The following TFB1M variants were observed in gnomAD, a reference collection of about 807,000 sequenced individuals.
TFB1M encodes the protein transcription factor B1, mitochondrial, also known as dimethyladenosine transferase 1, mitochondrial.
In TFB1M, 27 loss-of-function variants were observed where a neutral mutation model predicts 31.1. That is an observed-to-expected ratio of 0.87 (90% confidence interval 0.64 to 1.20). The LOEUF is 1.20. TFB1M is among the 50% of genes most tolerant of loss of function. TFB1M has a pLI of 0.00. For missense variants in TFB1M, 394 were observed against 418.7 expected, an observed-to-expected ratio of 0.94 and a Z score of 0.51; for synonymous variants, 166 against 151.8, an observed-to-expected ratio of 1.09 and a Z score of -0.69.
chr6:155,286,525 GTATATATATA>G (rs1417251621), intron 4 of TFB1M, among the ~76,000 whole-genome samples: 1 of 139,364 alleles, frequency 7.2e-6, no homozygotes. Flanking sequence ...GTATATATAT[GTATATATATA>G]CATGTGTATA....
At chr6:155,298,193 T>C (rs1202485604) in intron 3 of TFB1M, among the ~76,000 whole-genome samples, 4 of 152,216 alleles carry the variant, frequency 2.6e-5, no homozygotes, top group African/African-American at 9.6e-5. Flanking sequence ...CAATTGATAG[T>C]TTACCCTATC....
In TFB1M at chr6:155,257,839, G is replaced by C. The variant is rs1391745461; in HGVS notation, c.1038C>G (p.Leu346=). ...GCTGCTCGCCCCCAGGCAGCAGCTA[G>C]AGTCTGTAATTCTCTGCGTCATCCT... is the stretch of plus-strand genomic sequence containing the variant. The part of the protein sequence containing the change: ...KEEDDAENYR[L] Residue 346 remains leucine, a synonymous_variant, in exon 7 of 7, where the codon CTC becomes CTG. Transcript: ENST00000367166. The C allele has an allele frequency of 1.9e-6, 3 of 1,614,016 alleles. No homozygotes were observed. Among genetic ancestry groups the C allele is most frequent in the Admixed American group, 3.3e-5 (2 of 60,010 alleles).
At chr6:155,276,512 T>C (rs1785230686) in intron 5 of TFB1M, 6 of 744,688 alleles carry the variant, frequency 8.1e-6, no homozygotes, top group South Asian at 3.9e-5. Flanking sequence ...AACTACAAAG[T>C]AGTTTAAAAT....
chr6:155,311,581 G>A (rs560552466), intron 1 of TFB1M, among the ~76,000 whole-genome samples: 8 of 152,250 alleles, frequency 5.3e-5, no homozygotes, highest in Admixed American at 5.2e-4. Context: ...TCATGACAAA[G>A]TTTCTTAGCT....
intron 5 of TFB1M, among the ~76,000 whole-genome samples, chr6:155,280,640 G>T (rs965555440): frequency 2.0e-5 from 3 of 152,198 alleles, no homozygotes; most frequent in Non-Finnish European, 4.4e-5. Flanking sequence ...AAGAGTCTTA[G>T]TTAAGTAGGA....
At chr6:155,252,210 C>T (rs1394307000), downstream of TFB1M, among the ~76,000 whole-genome samples, 1 of 152,114 alleles carries the variant, frequency 6.6e-6, no homozygotes, top group African/African-American at 2.4e-5. Flanking sequence ...CAGCTGGGCA[C>T]GGTGGCTCAT....
chr6:155,292,089 C>T (rs759408520), intron 4 of TFB1M, among the ~76,000 whole-genome samples: 18 of 152,116 alleles, frequency 1.2e-4, no homozygotes, highest in Non-Finnish European at 2.4e-4. Context: ...GCCTTAGATG[C>T]CCGGCCTGAA....
chr6:155,265,326 G>A (rs1393402524), intron 5 of TFB1M, among the ~76,000 whole-genome samples: 1 of 152,172 alleles, frequency 6.6e-6, no homozygotes, highest in African/African-American at 2.4e-5. Context: ...AACTCAGAAG[G>A]CACTTGATAA....
At chr6:155,293,443 A>G (rs1379707709) in intron 4 of TFB1M, among the ~76,000 whole-genome samples, 1 of 152,212 alleles carries the variant, frequency 6.6e-6, no homozygotes, top group Non-Finnish European at 1.5e-5. Flanking sequence ...CATACATTTT[A>G]GCATATGACA....
intron 4 of TFB1M, among the ~76,000 whole-genome samples, chr6:155,288,085 A>C (rs1776746643): frequency 6.6e-6 from 1 of 152,182 alleles, no homozygotes; most frequent in Non-Finnish European, 1.5e-5. Context: ...CCGTGGATGA[A>C]AACCATATAA....
chr6:155,238,906 T>A, the TFB1M span, among the ~76,000 whole-genome samples: 1 of 152,170 alleles, frequency 6.6e-6, no homozygotes, highest in Non-Finnish European at 1.5e-5. Flanking sequence ...CAGAGATCAA[T>A]GTTGAGTTTT....
chr6:155,275,013 T>G (rs1199354999), intron 5 of TFB1M, among the ~76,000 whole-genome samples: 1 of 151,436 alleles, frequency 6.6e-6, no homozygotes, highest in Non-Finnish European at 1.5e-5. Flanking sequence ...GGTCAGGAGA[T>G]CGAGACCATC....
At chr6:155,261,223 G>C (rs1784380972) in intron 5 of TFB1M, among the ~76,000 whole-genome samples, 1 of 152,230 alleles carries the variant, frequency 6.6e-6, no homozygotes, top group African/African-American at 2.4e-5. Context: ...AATGCTAACG[G>C]AGACCATGGT....
chr6:155,281,508 G>A (rs2114728663), intron 5 of TFB1M, among the ~76,000 whole-genome samples: 1 of 152,222 alleles, frequency 6.6e-6, no homozygotes, highest in East Asian at 1.9e-4. Flanking sequence ...GATCACCTGA[G>A]GCCAGGAGTT....
chr6:155,276,729 A>G (rs1051999274), intron 5 of TFB1M, among the ~76,000 whole-genome samples: 1 of 152,254 alleles, frequency 6.6e-6, no homozygotes, highest in Non-Finnish European at 1.5e-5. Context: ...CCAAGTATAA[A>G]AAGTACCTTG....
intron 2 of TFB1M, chr6:155,310,939 T>A (rs967124654): frequency 4.0e-6 from 2 of 501,284 alleles, no homozygotes; most frequent in Non-Finnish European, 7.2e-6. Flanking sequence ...AATTAATTTG[T>A]TTAGCATAAA....
intron 6 of TFB1M, among the ~76,000 whole-genome samples, chr6:155,258,552 C>T (rs1332577420): frequency 7.0e-6 from 1 of 143,686 alleles, no homozygotes; most frequent in Non-Finnish European, 1.5e-5. Context: ...TTGAAAATAG[C>T]TGATAGGAAA....
At chr6:155,244,147 C>T in the TFB1M span, 5 of 1,399,508 alleles carry the variant, frequency 3.6e-6, no homozygotes, top group African/African-American at 7.1e-5. Flanking sequence ...TTTAGCAGAA[C>T]TCCTATGAGA....
At chr6:155,256,060 A>G, downstream of TFB1M, 1 of 216,954 alleles carries the variant, frequency 4.6e-6, no homozygotes, top group South Asian at 7.1e-5. Flanking sequence ...TTGAGCAGCA[A>G]GGGAAATCCA....
Sources: allele counts gnomAD v4.1 joint callset (sites outside exome capture counted in the v4.1 genomes callset), GRCh38; gene constraint gnomAD v4.1.1; transcripts MANE v1.5; gene names NCBI Gene and HGNC (gene_info 2026-07-23, HGNC 2026-07-21).